DOP1B: variants seen among roughly 807,000 people sequenced by gnomAD.
The protein encoded by DOP1B is protein DOP1B.
DOP1B carries 174 observed loss-of-function variants against 233.5 expected under a neutral mutation model. That is an observed-to-expected ratio of 0.75 (90% CI 0.66 to 0.85). The LOEUF (loss-of-function observed/expected upper bound fraction) is 0.85. Ranked by LOEUF, DOP1B falls within the 40% of genes least tolerant of loss-of-function variation. DOP1B has a pLI of 0.00. For missense variants in DOP1B, 2,652 were observed against 2,846.6 expected, an observed-to-expected ratio of 0.93 and a Z score of 1.56; for synonymous variants, 1,190 against 1,185.6, an observed-to-expected ratio of 1.00 and a Z score of -0.08.
chr21:36,261,223 G>T (rs1402669138), intron 24 of DOP1B: 2 of 855,824 alleles, frequency 2.3e-6, no homozygotes, highest in Non-Finnish European at 2.8e-6. Context: ...AAATTAGTCC[G>T]GCATGGTGGC....
chr21:36,265,760 C>G (rs111887204), intron 26 of DOP1B, among the ~76,000 whole-genome samples: 4 of 152,168 alleles, frequency 2.6e-5, no homozygotes, highest in African/African-American at 7.2e-5. Flanking sequence ...CTGTTTTGAG[C>G]GACACCCTAT....
At chr21:36,166,403 C>G (rs2123393341) in intron 2 of DOP1B, among the ~76,000 whole-genome samples, 1 of 151,696 alleles carries the variant, frequency 6.6e-6, no homozygotes, top group South Asian at 2.1e-4. Flanking sequence ...CACCACTGCC[C>G]TCCATCCTGG....
At chr21:36,262,904 A>AAAATAAATAAATAAAT (rs566753087) in intron 24 of DOP1B, among the ~76,000 whole-genome samples, 1 of 143,672 alleles carries the variant, frequency 7.0e-6, no homozygotes, top group East Asian at 1.9e-4. Flanking sequence ...AAACAATAAT[A>AAAATAAATAAATAAAT]AAATAAATAA....
chr21:36,186,049 A>G (rs2066161763), intron 2 of DOP1B, among the ~76,000 whole-genome samples: 1 of 152,090 alleles, frequency 6.6e-6, no homozygotes, highest in Non-Finnish European at 1.5e-5. Flanking sequence ...CTAAAAATAC[A>G]AAAATTAGCT....
chr21:36,246,750 G>A lies in DOP1B; in HGVS notation c.4697+73G>A. On this transcript the variant is annotated intron_variant, in intron 19 of 36. Transcript: ENST00000691173. The surrounding 1 kb of genome is among the most constrained non-coding windows in gnomAD (Gnocchi z 5.1). Reference sequence around the variant, plus strand: ...TATAACGAATGACTGTTTTGCCACGGATGTGGATGTCGGTTGGAGGATAAT... The same window carrying A: ...TATAACGAATGACTGTTTTGCCACGAATGTGGATGTCGGTTGGAGGATAAT... The A allele has an allele frequency of 1.3e-6, 2 of 1,524,534 alleles. No homozygotes were observed. The highest frequency in any genetic ancestry group is 1.8e-6 in the Non-Finnish European group (2 of 1,129,676). 94.4% of individuals were successfully genotyped at this position (1,524,534 alleles called of 1,614,324 possible).
rs759998080 is a variant in DOP1B at position 36,208,780 on chromosome 21, G to T, written c.557G>T (p.Trp186Leu). 6.2e-6 allele frequency: 10 copies of T among 1,612,858 alleles called. No homozygotes were observed. The highest frequency in any genetic ancestry group is 8.5e-6 in the Non-Finnish European group (10 of 1,179,476). ...VGKEVFYTAL[W>L]GSVLASPSIR... ...AAAGAGGTGTTTTACACCGCCCTCT[G>T]GGGGAGCGTCCTGGCCAGCCCGTCC... Residue 186 changes from tryptophan to leucine, a missense_variant, in exon 5 of 37, where the codon TGG becomes TTG. Transcript: ENST00000691173.
intron 31 of DOP1B, 65 bp downstream of exon 31, chr21:36,280,411 T>G: frequency 8.2e-7 from 1 of 1,221,236 alleles, no homozygotes; most frequent in Non-Finnish European, 1.2e-6. Context: ...TAACCAGCTT[T>G]CATCATGTAT....
intron 2 of DOP1B, among the ~76,000 whole-genome samples, chr21:36,176,962 G>A (rs2066039031): frequency 6.6e-6 from 1 of 152,138 alleles, no homozygotes; most frequent in African/African-American, 2.4e-5. Context: ...GGGATCACAG[G>A]CATGCGCCAC....
rs2067516897 is a variant in DOP1B, at chr21:36,288,650, T to TATTC, written c.6298-95_6298-92dup. The TATTC allele has an allele frequency of 5.8e-5, 49 of 839,894 alleles. No homozygotes were observed. In the South Asian group the frequency reaches 7.9e-4, roughly 13 times the overall value. 52.0% of individuals were successfully genotyped at this position (839,894 alleles called of 1,614,324 possible). On this transcript the variant is annotated intron_variant, in intron 33 of 36. Transcript: ENST00000691173. ...TGGGTGACAGAGTAAGACCCCGTCT[T>TATTC]ATTCATTCATTCATAAATTAATCGA...
At position 36,247,577 on chromosome 21, in the gene DOP1B, A is replaced by G; in HGVS notation, c.4758A>G (p.Leu1586=). The G allele has an allele frequency of 1.2e-6, 2 of 1,611,420 alleles. No individual in the cohort carries two copies. Among genetic ancestry groups the G allele is most frequent in the Non-Finnish European group, 1.7e-6 (2 of 1,179,316 alleles). The change falls in exon 20 of 37, where the codon CTA becomes CTG. Residue 1586 remains leucine (L), a synonymous_variant. Coordinates refer to ENST00000691173, the MANE Select transcript of DOP1B (RefSeq NM_001320714.2). ...PDYPLTLLEG[L]TTISHFCLLE... ...ATCCACTCACCCTTCTAGAAGGTCT[A>G]ACGACCATTAGTCATTTTTGTCTTT...
In DOP1B at chr21:36,246,603, T is replaced by C; in HGVS notation, c.4623T>C (p.Phe1541=). Residue 1541 remains phenylalanine, a synonymous_variant, in exon 19 of 37, where the codon TTT becomes TTC. Coordinates refer to ENST00000691173, the MANE Select transcript of DOP1B (RefSeq NM_001320714.2). This position sits in a 1 kb window ranked among gnomAD's most constrained non-coding sequence, Gnocchi z 5.1. ...GKSLGWTVTP[F]VVQICKNLDD... ...CCCTGGGCTGGACGGTGACACCCTT[T>C]GTTGTCCAGATTTGCAAAAACTTGG... 1 of 1,614,094 alleles carries C rather than the reference T, an allele frequency of 6.2e-7. No individual in the cohort carries two copies. The highest frequency in any genetic ancestry group is 8.5e-7 in the Non-Finnish European group (1 of 1,180,024).
chr21:36,159,093 T>C (rs1049548797), intron 1 of DOP1B, among the ~76,000 whole-genome samples: 1 of 151,456 alleles, frequency 6.6e-6, no homozygotes, highest in Admixed American at 6.6e-5. Flanking sequence ...GATCACACCA[T>C]TTTACCCCAG....
intron 34 of DOP1B, 30 bp downstream of exon 34, chr21:36,288,841 G>A (rs1251333634): frequency 1.3e-6 from 2 of 1,576,632 alleles, no homozygotes; most frequent in African/African-American, 1.4e-5. Context: ...TACACAAGAG[G>A]AAAAGATAGT....
intron 32 of DOP1B, among the ~76,000 whole-genome samples, chr21:36,283,952 T>TC (rs1432649820): frequency 4.1e-5 from 6 of 147,296 alleles, no homozygotes; most frequent in Admixed American, 3.4e-4. Context: ...TTTTTTTTTT[T>TC]TTTTTTTTCC....
In DOP1B at chr21:36,239,840, G is replaced by A. The variant is rs1297206644; in HGVS notation, c.2952G>A (p.Val984=). The change falls in exon 18 of 37, where the codon GTG becomes GTA. Residue 984 remains valine, a synonymous_variant. Coordinates refer to ENST00000691173, the MANE Select transcript of DOP1B (RefSeq NM_001320714.2). ...AIGAAAQGWL[V]RALSLGDVAR... ...GTGCGGCAGCCCAGGGCTGGCTGGT[G>A]CGTGCGCTCTCCCTCGGGGACGTGG... is the stretch of plus-strand genomic sequence containing the variant. The A allele has an allele frequency of 2.5e-6, 4 of 1,577,600 alleles. No individual in the cohort carries two copies. The highest frequency in any genetic ancestry group is 2.7e-5 in the African/African-American group (2 of 73,954).
At chr21:36,183,954 C>G (rs1417639611) in intron 2 of DOP1B, among the ~76,000 whole-genome samples, 1 of 152,058 alleles carries the variant, frequency 6.6e-6, no homozygotes, top group African/African-American at 2.4e-5. Flanking sequence ...ACCTCTGCCT[C>G]CCAGGTTCAA....
chr21:36,264,923 T>G (rs1407801813), intron 26 of DOP1B, among the ~76,000 whole-genome samples: 1 of 152,236 alleles, frequency 6.6e-6, no homozygotes, highest in Non-Finnish European at 1.5e-5. Flanking sequence ...ACGGAAGTTA[T>G]GATGAAGTTG....
intron 2 of DOP1B, among the ~76,000 whole-genome samples, chr21:36,173,613 C>T (rs943974475): frequency 3.3e-5 from 5 of 151,812 alleles, no homozygotes; most frequent in South Asian, 2.1e-4. Context: ...TTAGTAGAGA[C>T]GGGGTTTCAC....
intron 35 of DOP1B, 88 bp from the exon 36 acceptor site, chr21:36,292,016 G>T (rs2067564606): frequency 7.1e-7 from 1 of 1,410,146 alleles, no homozygotes; most frequent in Admixed American, 2.4e-5. Context: ...AATAGATACA[G>T]TATGTGAATT....
Sources: gnomAD v4.1 joint callset for allele counts (sites outside exome capture counted in the v4.1 genomes callset) on GRCh38, gnomAD v4.1.1 for gene constraint, Gnocchi (gnomAD v3.1) non-coding constraint, MANE v1.5 for transcripts, NCBI Gene and HGNC (gene_info 2026-07-23, HGNC 2026-07-21) for gene names.